The following ATP8B4 variants were observed in gnomAD, a reference collection of about 807,000 sequenced individuals.
The protein encoded by ATP8B4 is probable phospholipid-transporting ATPase IM.
Under a neutral mutation model 145.6 loss-of-function variants are expected in ATP8B4, and 133 were observed. The observed-to-expected ratio is 0.91, with a 90% CI of 0.79 to 1.05. The LOEUF is 1.05. Among genes scored for constraint, ATP8B4 ranks in the 50% least tolerant of loss-of-function variants. The pLI is 0.00. For missense variants in ATP8B4, 1,458 were observed against 1,425.2 expected (o/e 1.02, Z -0.37); for synonymous variants, 507 against 492.9 (o/e 1.03, Z -0.38).
intron 2 of ATP8B4, among the ~76,000 whole-genome samples, chr15:50,087,240 AATAGAATAAT>A (rs1220905672): frequency 1.5e-5 from 2 of 133,730 alleles, no homozygotes; most frequent in Admixed American, 7.7e-5. Context: ...TATTATATAT[AATAGAATAAT>A]ATATAGATCT....
chr15:49,914,704 T>C (rs1176098043), intron 20 of ATP8B4, among the ~76,000 whole-genome samples: 1 of 152,114 alleles, frequency 6.6e-6, no homozygotes, highest in Non-Finnish European at 1.5e-5. Context: ...AGCCAACTTA[T>C]ATATGAAAAA....
chr15:49,879,105 A>G (rs920863682), intron 24 of ATP8B4, among the ~76,000 whole-genome samples: 1 of 152,252 alleles, frequency 6.6e-6, no homozygotes, highest in African/African-American at 2.4e-5. Context: ...TACTTCGTAC[A>G]GGACTTCTAG....
chr15:50,122,981 T>C (rs1306155767), upstream of ATP8B4, among the ~76,000 whole-genome samples: 1 of 152,154 alleles, frequency 6.6e-6, no homozygotes, highest in African/African-American at 2.4e-5. Flanking sequence ...TGGATAAAAG[T>C]ATGCATTCAT....
chr15:50,109,264 A>G (rs2056829076), intron 1 of ATP8B4, among the ~76,000 whole-genome samples: 2 of 152,362 alleles, frequency 1.3e-5, no homozygotes, highest in South Asian at 4.1e-4. Flanking sequence ...AGGAAGATTC[A>G]CAAAAAGGAT....
intron 3 of ATP8B4, among the ~76,000 whole-genome samples, chr15:50,064,190 A>G (rs1213186925): frequency 6.6e-6 from 1 of 152,110 alleles, no homozygotes; most frequent in Non-Finnish European, 1.5e-5. Context: ...TTTGTATAAA[A>G]AAAGCCCTTC....
intron 2 of ATP8B4, among the ~76,000 whole-genome samples, chr15:50,075,071 C>T (rs1333822412): frequency 6.6e-6 from 1 of 152,100 alleles, no homozygotes; most frequent in East Asian, 1.9e-4. Flanking sequence ...CCATAATTCT[C>T]CAACTGGGTA....
At chr15:50,098,124 C>G (rs1449195755) in intron 2 of ATP8B4, among the ~76,000 whole-genome samples, 1 of 151,936 alleles carries the variant, frequency 6.6e-6, no homozygotes, top group East Asian at 1.9e-4. Context: ...CTGGGCAAAC[C>G]CAGTAAATTC....
chr15:50,075,488 T>G (rs1464684823), intron 2 of ATP8B4, among the ~76,000 whole-genome samples: 2 of 152,174 alleles, frequency 1.3e-5, no homozygotes, highest in Non-Finnish European at 2.9e-5. Context: ...TTCTACCATT[T>G]GCAGGGTGTT....
intron 23 of ATP8B4, among the ~76,000 whole-genome samples, chr15:49,891,570 C>T (rs1295666820): frequency 6.6e-6 from 1 of 152,176 alleles, no homozygotes; most frequent in Non-Finnish European, 1.5e-5. Context: ...AAGCGATCTG[C>T]CCACCTTGGC....
intron 14 of ATP8B4, among the ~76,000 whole-genome samples, chr15:49,938,511 A>T (rs2041914084): frequency 6.6e-6 from 1 of 152,168 alleles, no homozygotes; most frequent in Non-Finnish European, 1.5e-5. Flanking sequence ...AAAACAAAGA[A>T]GGGCATTACC....
intron 2 of ATP8B4, 139 bp downstream of exon 2, chr15:50,106,800 G>C (rs28416764): frequency 2.0e-5 from 14 of 712,688 alleles, no homozygotes; most frequent in Non-Finnish European, 2.9e-5. Flanking sequence ...AGTTACATGG[G>C]TGTATATAAT....
At chr15:49,924,468 A>G (rs533252554) in intron 16 of ATP8B4, among the ~76,000 whole-genome samples, 2 of 152,274 alleles carry the variant, frequency 1.3e-5, no homozygotes, top group African/African-American at 2.4e-5. Context: ...CTTTCTACTC[A>G]ATTATCCCAT....
chr15:50,008,700 T>C (rs1599776081), intron 7 of ATP8B4, among the ~76,000 whole-genome samples: 1 of 152,184 alleles, frequency 6.6e-6, no homozygotes, highest in Non-Finnish European at 1.5e-5. Context: ...CTGCTGGCCA[T>C]GAGGCACCAT....
chr15:49,876,089 C>T (rs1212884834), intron 25 of ATP8B4, among the ~76,000 whole-genome samples, 189 bp downstream of exon 25: 1 of 152,176 alleles, frequency 6.6e-6, no homozygotes, highest in Admixed American at 6.5e-5. Flanking sequence ...TTACAGACGC[C>T]TAATGCTAAT....
intron 13 of ATP8B4, among the ~76,000 whole-genome samples, chr15:49,964,868 T>C (rs57630985): frequency 1.3e-5 from 2 of 152,264 alleles, no homozygotes; most frequent in South Asian, 2.1e-4. Flanking sequence ...CTAGAAGTGA[T>C]TGTATTATTA....
Position 49,940,711 on chromosome 15 carries a change from A to G in ATP8B4, c.1288-6529T>C, listed in dbSNP as rs79573541. On this transcript the variant is annotated intron_variant, in intron 14 of 27. Transcript: ENST00000284509. The stretch of plus-strand genomic sequence containing the variant: ...AAGAGAATAAGGGGCTAGGTCCTCA[A>G]TGACTTAGTCTACAAAAGGCCAAAC... 3.9e-3 allele frequency among the ~76,000 whole-genome samples: 597 copies of G among 152,330 alleles called. 5 individuals carry two copies. The highest frequency in any genetic ancestry group is 0.014 in the African/African-American group (571 of 41,574).
intron 16 of ATP8B4, among the ~76,000 whole-genome samples, chr15:49,926,743 C>G (rs1202580299): frequency 1.3e-5 from 2 of 152,038 alleles, no homozygotes; most frequent in African/African-American, 4.8e-5. Flanking sequence ...AAATTGTGCA[C>G]AATTTATTGA....
At chr15:49,863,404 G>A (rs1029178204) in intron 26 of ATP8B4, among the ~76,000 whole-genome samples, 2 of 152,276 alleles carry the variant, frequency 1.3e-5, no homozygotes, top group East Asian at 1.9e-4. Context: ...GTTTAAACAA[G>A]GCAATACGGG....
chr15:49,987,581 T>C (rs754013604), intron 9 of ATP8B4, 32 bp from the exon 10 acceptor site: 19 of 1,593,278 alleles, frequency 1.2e-5, no homozygotes, highest in Admixed American at 1.7e-5. Flanking sequence ...CAAACCTCTT[T>C]ATGACTCACC....
Sources: gnomAD v4.1 joint callset for allele counts (sites outside exome capture counted in the v4.1 genomes callset) on GRCh38, gnomAD v4.1.1 for gene constraint, MANE v1.5 for transcripts, NCBI Gene and HGNC (gene_info 2026-07-23, HGNC 2026-07-21) for gene names.